The following PHF21A variants were observed in gnomAD, a reference collection of about 807,000 sequenced individuals.
PHF21A encodes BHC80a.
In PHF21A, 11 loss-of-function variants were observed where a neutral mutation model predicts 82.5. The observed-to-expected ratio is 0.13, with a 90% CI of 0.08 to 0.22. The LOEUF is 0.22. Among genes scored for constraint, PHF21A ranks in the 10% least tolerant of loss-of-function variants. The probability of loss-of-function intolerance (pLI) is 1.00; values close to 1 mark genes in which losing one functional copy is unlikely to be tolerated. For synonymous variants in PHF21A, 297 were observed against 302.8 expected, an observed-to-expected ratio of 0.98 and a Z score of 0.20; for missense variants, 579 against 837.8, an observed-to-expected ratio of 0.69 and a Z score of 3.81.
At chr11:45,961,047 T>C (rs1039060564) in intron 10 of PHF21A, among the ~76,000 whole-genome samples, 33 of 152,160 alleles carry the variant, frequency 2.2e-4, no homozygotes, top group African/African-American at 7.5e-4. Context: ...ACTTATTATT[T>C]TAAAGGGGAA....
chr11:46,117,928 T>C (rs1320104762), intron 1 of PHF21A: 3 of 152,198 alleles, frequency 2.0e-5, no homozygotes, highest in Non-Finnish European at 4.4e-5. Context: ...TTACTCAAAA[T>C]CTTTCTGGAA....
intron 6 of PHF21A, among the ~76,000 whole-genome samples, chr11:46,038,722 G>A (rs774842816): frequency 6.8e-4 from 103 of 152,098 alleles, no homozygotes; most frequent in Non-Finnish European, 1.3e-3. Flanking sequence ...AGGTGGCTAA[G>A]CATGCTAGCA....
intron 1 of PHF21A, among the ~76,000 whole-genome samples, chr11:46,092,510 T>A (rs562344619): frequency 2.6e-5 from 4 of 152,266 alleles, no homozygotes. Flanking sequence ...AGAAATGAAA[T>A]GCACCTCATT....
intron 15 of PHF21A, among the ~76,000 whole-genome samples, chr11:45,944,681 C>T (rs2091009639): frequency 6.6e-6 from 1 of 152,252 alleles, no homozygotes; most frequent in African/African-American, 2.4e-5. Context: ...CTGGCAGGCT[C>T]TTCCCCCAGA....
intron 7 of PHF21A, among the ~76,000 whole-genome samples, chr11:45,978,771 C>T (rs1393361326): frequency 1.3e-5 from 2 of 152,144 alleles, no homozygotes; most frequent in African/African-American, 2.4e-5. Flanking sequence ...ATATCATTTC[C>T]AAATACGCCC....
intron 6 of PHF21A, among the ~76,000 whole-genome samples, chr11:46,067,877 T>C (rs753330592): frequency 6.6e-6 from 1 of 152,098 alleles, no homozygotes; most frequent in Non-Finnish European, 1.5e-5. Flanking sequence ...TAGGCACAAG[T>C]ACCAAGTACC....
intron 5 of PHF21A, among the ~76,000 whole-genome samples, chr11:46,077,589 T>C (rs1161624507): frequency 6.6e-6 from 1 of 152,216 alleles, no homozygotes; most frequent in African/African-American, 2.4e-5. Context: ...CAATTTACCC[T>C]GCTTGGTCTT....
intron 6 of PHF21A, among the ~76,000 whole-genome samples, chr11:46,027,666 T>C (rs1030817786): frequency 6.6e-6 from 1 of 152,238 alleles, no homozygotes; most frequent in Non-Finnish European, 1.5e-5. Context: ...CTTATTCACC[T>C]TCCATCACAT....
At chr11:46,092,442 G>A (rs746649405) in intron 1 of PHF21A, among the ~76,000 whole-genome samples, 8 of 152,114 alleles carry the variant, frequency 5.3e-5, no homozygotes, top group Non-Finnish European at 8.8e-5. Flanking sequence ...CTTTTCCATA[G>A]TTTTTCAAGA....
chr11:45,934,560 A>T (rs1301522635), intron 18 of PHF21A: 1 of 265,066 alleles, frequency 3.8e-6, no homozygotes, highest in Non-Finnish European at 7.1e-6. Context: ...AAAAAAAAAA[A>T]AAAGTTCCCA....
chr11:45,945,866 A>G lies in PHF21A; in HGVS notation c.1426T>C (p.Ser476Pro). 1 of 1,597,960 alleles carries G rather than the reference A, an allele frequency of 6.3e-7. No homozygotes were observed. The highest frequency in any genetic ancestry group is 8.5e-7 in the Non-Finnish European group (1 of 1,172,270). The change falls in exon 15 of 19, where the codon TCC becomes CCC. Residue 476 changes from serine to proline, a missense_variant. Physicochemically the swap from Ser to Pro is moderately conservative, Grantham distance 74. This residue lies in a region of PHF21A where 410 missense variants were observed against 642.1 expected (regional missense o/e 0.64). Coordinates refer to ENST00000676320, the MANE Select transcript of PHF21A (RefSeq NM_001352027.3). ...TCTGTGGAGGTGGGGCTGGGCAGGG[A>G]CACAGGCTGAACAGGTGCAGGGAAA... ...FTFPAPVQPV[S>P]LPSPTSTDGD...
At position 45,938,319 on chromosome 11, in the gene PHF21A, AG is replaced by A; in HGVS notation, c.1453-8del. ...AATCCTCATGAATATCACCCTATAA[AG>A]TTGAGAGGAAAGGTAAGAAAAAGGA... On this transcript the variant is annotated splice_region_variant and splice_polypyrimidine_tract_variant and intron_variant, in intron 15 of 18. Transcript: ENST00000676320. 6.2e-7 allele frequency: 1 copy of A among 1,603,852 alleles called. No individual in the cohort carries two copies. Among genetic ancestry groups the A allele is most frequent in the Non-Finnish European group, 8.5e-7 (1 of 1,175,178 alleles).
At position 45,932,729 on chromosome 11, in the gene PHF21A, T is replaced by C. The variant is rs2087786334; in HGVS notation, c.*1239A>G. The stretch of plus-strand genomic sequence containing the variant: ...TTTTAATTTAAAAAAAAGTTTTTTT[T>C]CCCCAGATACAAAGATTTTTGCCCT... On this transcript the variant is annotated 3_prime_UTR_variant, in exon 19 of 19. Transcript: ENST00000676320. The surrounding 1 kb of genome is among the most constrained non-coding windows in gnomAD (Gnocchi z 4.3). 6.6e-6 allele frequency: 1 copy of C among 152,548 alleles called. No homozygotes were observed. Among genetic ancestry groups the C allele is most frequent in the Non-Finnish European group, 1.5e-5 (1 of 68,030 alleles). The allele number at this position is 152,548 out of a possible 1,614,324, so 9.4% of individuals were successfully genotyped here. A position where few individuals can be genotyped will look rare whatever the true frequency, so the allele number is the denominator to read the frequency against.
intron 6 of PHF21A, among the ~76,000 whole-genome samples, chr11:45,995,515 C>T (rs1319416418): frequency 6.6e-6 from 1 of 152,132 alleles, no homozygotes; most frequent in Non-Finnish European, 1.5e-5. Flanking sequence ...AAGATCAGAG[C>T]ACTTGTCACT....
chr11:46,004,869 G>A (rs1565495954), intron 6 of PHF21A, among the ~76,000 whole-genome samples: 1 of 152,158 alleles, frequency 6.6e-6, no homozygotes, highest in East Asian at 1.9e-4. Flanking sequence ...ACATGTGTTC[G>A]AAATTTATTC....
At chr11:46,003,194 T>C (rs2095195888) in intron 6 of PHF21A, among the ~76,000 whole-genome samples, 1 of 151,686 alleles carries the variant, frequency 6.6e-6, no homozygotes, top group Non-Finnish European at 1.5e-5. Flanking sequence ...GAAAAGAAAA[T>C]CTGTATATGA....
At chr11:46,025,826 A>G (rs1365159505) in intron 6 of PHF21A, among the ~76,000 whole-genome samples, 2 of 152,226 alleles carry the variant, frequency 1.3e-5, no homozygotes, top group African/African-American at 4.8e-5. Context: ...TCATCGGCAG[A>G]TATGTGATGG....
chr11:46,042,954 A>G (rs1162454551), intron 6 of PHF21A, among the ~76,000 whole-genome samples: 1 of 152,136 alleles, frequency 6.6e-6, no homozygotes, highest in Non-Finnish European at 1.5e-5. Flanking sequence ...TTGTTATAGC[A>G]GCCTGAATGA....
chr11:46,073,497 C>T (rs1432960936), intron 6 of PHF21A, among the ~76,000 whole-genome samples: 4 of 151,902 alleles, frequency 2.6e-5, no homozygotes, highest in East Asian at 1.9e-4. Context: ...ATCCTAAAAG[C>T]GAAACGTAAT....
Sources: gnomAD v4.1 joint callset for allele counts (sites outside exome capture counted in the v4.1 genomes callset) on GRCh38, gnomAD v4.1.1 for gene constraint, gnomAD v4.1.1 regional missense constraint, Gnocchi (gnomAD v3.1) non-coding constraint, MANE v1.5 for transcripts, NCBI Gene and HGNC (gene_info 2026-07-23, HGNC 2026-07-21) for gene names.